Variants in MYOM2 observed in about 807,000 individuals in gnomAD.
MYOM2 encodes myomesin-2.
MYOM2 carries 254 observed loss-of-function variants against 187.6 expected under a neutral mutation model. That is an observed-to-expected ratio of 1.35 (90% confidence interval 1.22 to 1.50). MYOM2 has a LOEUF of 1.50. Among genes scored for constraint, MYOM2 ranks in the 40% most tolerant of loss-of-function variants. MYOM2 has a pLI of 0.00. For missense variants in MYOM2, 2,796 were observed against 1,924.0 expected, an observed-to-expected ratio of 1.45 and a Z score of -8.48; for synonymous variants, 981 against 753.8, an observed-to-expected ratio of 1.30 and a Z score of -4.94.
chr8:2,089,772 GA>G (rs1216800493), intron 14 of MYOM2, among the ~76,000 whole-genome samples: 1 of 152,086 alleles, frequency 6.6e-6, no homozygotes, highest in Non-Finnish European at 1.5e-5. Context: ...TACTTTAATG[GA>G]AAAAAATTTA....
chr8:2,128,664 C>T (rs577089577), intron 31 of MYOM2, among the ~76,000 whole-genome samples: 1 of 152,260 alleles, frequency 6.6e-6, no homozygotes, highest in East Asian at 1.9e-4. Context: ...TCCTCTGACC[C>T]AAGTTTCATT....
Position 2,078,820 on chromosome 8 carries a change from G to A in MYOM2, c.1349G>A (p.Gly450Glu), listed in dbSNP as rs1819523237. The change falls in exon 12 of 37, where the codon GGA becomes GAA. Residue 450 changes from glycine (G) to glutamate (E), a missense_variant. Physicochemically the swap from Gly to Glu is moderately conservative, Grantham distance 98. Transcript: ENST00000262113. ...CKYPVTGLFE[G>E]RSYIFRVRAV... ...TACCCGGTCACAGGGCTTTTTGAAG[G>A]AAGGTCTTACATATTCCGAGTGAGG... 1.2e-6 allele frequency: 2 copies of A among 1,614,146 alleles called. No individual in the cohort carries two copies. Among genetic ancestry groups the A allele is most frequent in the East Asian group, 4.5e-5 (2 of 44,876 alleles).
chr8:2,142,425 A>T (rs768054605), intron 35 of MYOM2, 28 bp downstream of exon 35: 2 of 1,612,158 alleles, frequency 1.2e-6, no homozygotes, highest in East Asian at 2.2e-5. Context: ...TGTAACCAGG[A>T]TGGTGAATTA....
At chr8:2,097,028 C>T in intron 18 of MYOM2, 2 of 737,112 alleles carry the variant, frequency 2.7e-6, no homozygotes, top group Non-Finnish European at 3.3e-6. Flanking sequence ...GACCCCTCAT[C>T]TGAGCATAGA....
At chr8:2,132,679 T>G (rs1159201296) in intron 32 of MYOM2, among the ~76,000 whole-genome samples, 1 of 152,178 alleles carries the variant, frequency 6.6e-6, no homozygotes, top group African/African-American at 2.4e-5. Context: ...CCTGATCTCC[T>G]GGGATCAAGG....
chr8:2,064,736 G>A (rs1818960093), intron 6 of MYOM2, among the ~76,000 whole-genome samples: 1 of 152,290 alleles, frequency 6.6e-6, no homozygotes, highest in Admixed American at 6.5e-5. Context: ...CTGGCGAGGG[G>A]GGCCGTGGCC....
chr8:2,073,503 G>T lies in MYOM2; in HGVS notation c.1120+3G>T. 3 of 1,596,764 alleles carry T rather than the reference G, an allele frequency of 1.9e-6. No homozygotes were observed. Among genetic ancestry groups the T allele is most frequent in the Non-Finnish European group, 2.5e-6 (3 of 1,176,922 alleles). The stretch of plus-strand genomic sequence containing the variant: ...CAGCGCCTTCCTGTTTGTCAGAGGT[G>T]CGGGCAGCAGGGTTCTCAGGGTGCA... On this transcript the variant is annotated splice_donor_region_variant and intron_variant, in intron 10 of 36. Coordinates refer to ENST00000262113, the MANE Select transcript of MYOM2 (RefSeq NM_003970.4).
Position 2,057,363 on chromosome 8 carries a change from G to A in MYOM2, c.279G>A (p.Val93=). 6.2e-7 allele frequency: 1 copy of A among 1,607,368 alleles called. No homozygotes were observed. Among genetic ancestry groups the A allele is most frequent in the Non-Finnish European group, 8.5e-7 (1 of 1,176,374 alleles). The change falls in exon 4 of 37, where the codon GTG becomes GTA. Residue 93 remains valine, a synonymous_variant. Transcript: ENST00000262113. The part of the protein sequence containing the change: ...QENRSRYQSL[V]AAYGEAKRQR... ...GCTCCTGCAGGTACCAGTCCCTGGT[G>A]GCCGCCTATGGTGAGGCCAAGCGAC...
At chr8:2,115,629 A>C (rs914241291) in intron 25 of MYOM2, among the ~76,000 whole-genome samples, 1 of 152,206 alleles carries the variant, frequency 6.6e-6, no homozygotes, top group African/African-American at 2.4e-5. Flanking sequence ...TATCATTCAT[A>C]TCAATTGCGT....
chr8:2,114,476 CT>C (rs1027544113), intron 25 of MYOM2, among the ~76,000 whole-genome samples: 1 of 144,818 alleles, frequency 6.9e-6, no homozygotes, highest in African/African-American at 2.6e-5. Context: ...AAAATTTCTT[CT>C]TTCCCCCTTT....
chr8:2,054,014 G>T (rs1351820663), intron 3 of MYOM2, among the ~76,000 whole-genome samples: 1 of 152,196 alleles, frequency 6.6e-6, no homozygotes, highest in Non-Finnish European at 1.5e-5. Flanking sequence ...TCATGCAGAA[G>T]GGCCCAGGAG....
intron 17 of MYOM2, 97 bp downstream of exon 17, chr8:2,094,188 G>C: frequency 6.9e-7 from 1 of 1,443,606 alleles, no homozygotes; most frequent in South Asian, 1.4e-5. Flanking sequence ...TGTCATTGAA[G>C]GGGAAAAGGG....
At chr8:2,139,542 C>T (rs918417508) in intron 32 of MYOM2, among the ~76,000 whole-genome samples, 4 of 152,118 alleles carry the variant, frequency 2.6e-5, no homozygotes, top group African/African-American at 7.2e-5. Flanking sequence ...TTCCCTTTCC[C>T]GATGGAACAT....
chr8:2,128,990 G>C, intron 31 of MYOM2, 137 bp from the exon 32 acceptor site: 1 of 578,596 alleles, frequency 1.7e-6, no homozygotes, highest in Non-Finnish European at 3.1e-6. Flanking sequence ...AGAATTTGTG[G>C]CTGGCCGACT....
intron 10 of MYOM2, 76 bp from the exon 11 acceptor site, chr8:2,076,065 A>G (rs940958205): frequency 2.1e-6 from 3 of 1,402,352 alleles, no homozygotes; most frequent in South Asian, 2.8e-5. Flanking sequence ...TGGAGCTTGG[A>G]GGAGCTGTAA....
chr8:2,049,307 T>G (rs1315753812), intron 1 of MYOM2, among the ~76,000 whole-genome samples: 1 of 152,208 alleles, frequency 6.6e-6, no homozygotes, highest in Non-Finnish European at 1.5e-5. Context: ...TACATGCTTT[T>G]GGGGAAGAAT....
intron 15 of MYOM2, among the ~76,000 whole-genome samples, chr8:2,092,065 A>G (rs910994148): frequency 1.6e-5 from 1 of 63,734 alleles, no homozygotes; most frequent in East Asian, 6.7e-4. Context: ...AGAGTCTTTT[A>G]AACAGCTCTG....
intron 16 of MYOM2, 36 bp from the exon 17 acceptor site, chr8:2,093,934 C>G (rs1166752511): frequency 6.3e-7 from 1 of 1,598,784 alleles, no homozygotes; most frequent in Non-Finnish European, 8.5e-7. Flanking sequence ...AAAAGTGGAG[C>G]CTGGCAGTTC....
At chr8:2,083,983 C>T (rs1350715258) in intron 13 of MYOM2, among the ~76,000 whole-genome samples, 2 of 152,254 alleles carry the variant, frequency 1.3e-5, no homozygotes. Flanking sequence ...CAGCGGCTCA[C>T]ACCTGCTTGC....
Sources: gnomAD v4.1 joint callset for allele counts (sites outside exome capture counted in the v4.1 genomes callset) on GRCh38, gnomAD v4.1.1 for gene constraint, MANE v1.5 for transcripts, NCBI Gene and HGNC (gene_info 2026-07-23, HGNC 2026-07-21) for gene names.